PLG: variants seen among roughly 807,000 people sequenced by gnomAD.
PLG encodes the protein plasminogen, also known as plasmin.
PLG carries 41 observed loss-of-function variants against 104.4 expected under a neutral mutation model. That is an observed-to-expected ratio of 0.39 (90% CI 0.31 to 0.51). PLG has a LOEUF of 0.51. Among genes scored for constraint, PLG ranks in the 20% least tolerant of loss-of-function variants. PLG has a pLI of 0.76. For missense variants in PLG, 891 were observed against 1,003.6 expected, an observed-to-expected ratio of 0.89 and a Z score of 1.52; for synonymous variants, 337 against 357.1, an observed-to-expected ratio of 0.94 and a Z score of 0.63.
At chr6:160,711,440 G>C (rs1267942162) in intron 4 of PLG, 4 of 821,812 alleles carry the variant, frequency 4.9e-6, no homozygotes, top group South Asian at 1.8e-5. Context: ...TTGTCATATT[G>C]TTATTTTCTG....
rs1400533679 is a variant in PLG, at chr6:160,735,729, T to C, written c.1682-1158T>C. Among the ~76,000 whole-genome samples the C allele has an allele frequency of 6.6e-6, 1 of 152,152 alleles. No homozygotes were observed. The highest frequency in any genetic ancestry group is 2.4e-5 in the African/African-American group (1 of 41,444). On this transcript the variant is annotated intron_variant, in intron 13 of 18. Coordinates refer to ENST00000308192, the MANE Select transcript of PLG (RefSeq NM_000301.5). The surrounding 1 kb of genome is among the most constrained non-coding windows in gnomAD (Gnocchi z 5.4). ...CAGTACAAATAATAATAAGCAAAAA[T>C]AAATAGAAACATTCAGTTTTGTTTT...
chr6:160,752,838 C>T lies in PLG; in HGVS notation c.2272-62C>T. On this transcript the variant is annotated intron_variant, in intron 18 of 18. Transcript: ENST00000308192. The surrounding 1 kb of genome is among the most constrained non-coding windows in gnomAD (Gnocchi z 4.7). ...GTATATATGGATAGTAGAAGGATGG[C>T]ATCCCATAATAAAAGGCAGGCAGCC... 1.3e-6 allele frequency: 2 copies of T among 1,546,194 alleles called. No homozygotes were observed.
rs376598779 is a variant in PLG at position 160,731,909 on chromosome 6, T to G, written c.1587+16T>G. 11 of 1,613,410 alleles carry G rather than the reference T, an allele frequency of 6.8e-6. No individual in the cohort carries two copies. The highest frequency in any genetic ancestry group is 1.3e-5 in the African/African-American group (1 of 74,898). On this transcript the variant is annotated intron_variant, in intron 12 of 18. Transcript: ENST00000308192. The surrounding 1 kb of genome is among the most constrained non-coding windows in gnomAD (Gnocchi z 5.1). ...GGAAAAAAATGTAAGCCACTTTGATTTGGACTCTTTGGCCTTTTGCTCACC... is the reference window on the plus strand; with the variant it reads ...GGAAAAAAATGTAAGCCACTTTGATGTGGACTCTTTGGCCTTTTGCTCACC...
At chr6:160,717,228 T>A (rs949688245) in intron 7 of PLG, among the ~76,000 whole-genome samples, 5 of 151,498 alleles carry the variant, frequency 3.3e-5, no homozygotes, top group African/African-American at 1.2e-4. Context: ...TGGGGAAGAG[T>A]TCAAGAGGAG....
intron 3 of PLG, among the ~76,000 whole-genome samples, chr6:160,709,984 C>T (rs191360541): frequency 1.9e-4 from 29 of 152,302 alleles, no homozygotes; most frequent in Admixed American, 1.0e-3. Context: ...TTTTCTTCTT[C>T]GAATATGGGG....
chr6:160,745,856 A>G (rs1778268639), intron 17 of PLG, among the ~76,000 whole-genome samples: 1 of 152,226 alleles, frequency 6.6e-6, no homozygotes, highest in African/African-American at 2.4e-5. Context: ...ACATTTGCTT[A>G]GCTGAAAATG....
intron 1 of PLG, among the ~76,000 whole-genome samples, chr6:160,703,122 A>G (rs1226892892): frequency 6.6e-6 from 1 of 152,176 alleles, no homozygotes; most frequent in Non-Finnish European, 1.5e-5. Context: ...TTATTTGCTC[A>G]GTGACCAAAT....
Position 160,736,312 on chromosome 6 carries a change from G to A in PLG, c.1682-575G>A, listed in dbSNP as rs896909643. Among the ~76,000 whole-genome samples, 39 of 152,300 alleles carry A rather than the reference G, an allele frequency of 2.6e-4. No individual in the cohort carries two copies. The highest frequency in any genetic ancestry group is 7.8e-4 in the Admixed American group (12 of 15,306). On this transcript the variant is annotated intron_variant, in intron 13 of 18. Coordinates refer to ENST00000308192, the MANE Select transcript of PLG (RefSeq NM_000301.5). The surrounding 1 kb of genome is among the most constrained non-coding windows in gnomAD (Gnocchi z 5.2). ...GTTAGTCATGGGAGGCTCCCCAGAG[G>A]AGCTGTCCTGAAGCTGGCTGACAGA...
chr6:160,705,467 T>A (rs989588395), intron 1 of PLG: 12 of 152,344 alleles, frequency 7.9e-5, no homozygotes, highest in African/African-American at 2.9e-4. Flanking sequence ...GAAATCCAGA[T>A]ACCTGTCAAC....
In PLG at chr6:160,731,954, G is replaced by T. The variant is rs553640822; in HGVS notation, c.1587+61G>T. 1,099 of 1,549,616 alleles carry T rather than the reference G, an allele frequency of 7.1e-4. 3 individuals carry two copies. The highest frequency in any genetic ancestry group is 9.2e-4 in the Non-Finnish European group (1,037 of 1,122,710). ...CTCACCAATCTTTGCAAACAGAATT[G>T]GTTCTGTGTTACAGAAAATCTGACC... On this transcript the variant is annotated intron_variant, in intron 12 of 18. Coordinates refer to ENST00000308192, the MANE Select transcript of PLG (RefSeq NM_000301.5). This position sits in a 1 kb window ranked among gnomAD's most constrained non-coding sequence, Gnocchi z 5.1.
chr6:160,743,616 T>C (rs1034762658), intron 17 of PLG, among the ~76,000 whole-genome samples: 1 of 152,172 alleles, frequency 6.6e-6, no homozygotes, highest in African/African-American at 2.4e-5. Flanking sequence ...CAGGGATCGT[T>C]TGATTTCCTC....
chr6:160,753,318 T>C lies in PLG; in HGVS notation c.*257T>C. 2.0e-6 allele frequency: 1 copy of C among 506,028 alleles called. No individual in the cohort carries two copies. The allele number at this position is 506,028 out of a possible 1,614,324, so 31.3% of individuals were successfully genotyped here. A position where few individuals can be genotyped will look rare whatever the true frequency, so the allele number is the denominator to read the frequency against. On this transcript the variant is annotated 3_prime_UTR_variant, in exon 19 of 19. Coordinates refer to ENST00000308192, the MANE Select transcript of PLG (RefSeq NM_000301.5). The surrounding 1 kb of genome is among the most constrained non-coding windows in gnomAD (Gnocchi z 5.4). ...TAAATTTTGGTTTTGGTCTTCAACA[T>C]TTTCATGCTCTTTGTTCACCCCACC...
In PLG at chr6:160,732,452, C is replaced by A. The variant is rs1778015797; in HGVS notation, c.1587+559C>A. 6.6e-6 allele frequency among the ~76,000 whole-genome samples: 1 copy of A among 152,098 alleles called. No homozygotes were observed. Among genetic ancestry groups the A allele is most frequent in the African/African-American group, 2.4e-5 (1 of 41,402 alleles). On this transcript the variant is annotated intron_variant, in intron 12 of 18. Transcript: ENST00000308192. The surrounding 1 kb of genome is among the most constrained non-coding windows in gnomAD (Gnocchi z 4.5). ...AGATGTGGGGGGATTTCTCCTCACA[C>A]CCCAAGCGAGTCTCCAGCAGATACC...
Position 160,736,904 on chromosome 6 carries a change from T to G in PLG, c.1699T>G (p.Cys567Gly), listed in dbSNP as rs1582947060. The G allele has an allele frequency of 5.0e-6, 8 of 1,614,018 alleles. No individual in the cohort carries two copies. Among genetic ancestry groups the G allele is most frequent in the Non-Finnish European group, 6.8e-6 (8 of 1,179,926 alleles). Residue 567 changes from cysteine to glycine, a missense_variant, in exon 14 of 19, where the codon TGT (cysteine) becomes GGT (glycine). Cys to Gly is a radical substitution (Grantham distance 159). Around this residue, in one of 2 missense-constraint regions of PLG, gnomAD observed 854 missense variants for 932.1 expected, o/e 0.92. Coordinates refer to ENST00000308192, the MANE Select transcript of PLG (RefSeq NM_000301.5). This position sits in a 1 kb window ranked among gnomAD's most constrained non-coding sequence, Gnocchi z 5.2. The stretch of plus-strand genomic sequence containing the variant: ...TGCCACAGCGGCCCCTTCATTTGAT[T>G]GTGGGAAGCCTCAAGTGGAGCCGAA... ...VPQCAAPSFD[C>G]GKPQVEPKKC... is the part of the protein sequence containing the mutation.
In PLG at chr6:160,702,262, G is replaced by A. The variant is rs1267467289; in HGVS notation, c.-43G>A. Reference sequence around the variant, plus strand: ...CTCTCATGTAAGTCAACAACATCCTGGGATTGGGACCCACTTTCTGGGCAC... The same window carrying A: ...CTCTCATGTAAGTCAACAACATCCTAGGATTGGGACCCACTTTCTGGGCAC... On this transcript the variant is annotated 5_prime_UTR_variant, in exon 1 of 19. Transcript: ENST00000308192. 6.2e-7 allele frequency: 1 copy of A among 1,607,530 alleles called. No homozygotes were observed.
In PLG at chr6:160,737,054, C is replaced by T. The variant is rs367981165; in HGVS notation, c.1802+47C>T. On this transcript the variant is annotated intron_variant, in intron 14 of 18. Transcript: ENST00000308192. This position sits in a 1 kb window ranked among gnomAD's most constrained non-coding sequence, Gnocchi z 4.7. Reference sequence around the variant, plus strand: ...ATTTATACTGTCCCTCCACGTAAGCCCTGCAAAACCCTTCTACATTTACAT... The same window carrying T: ...ATTTATACTGTCCCTCCACGTAAGCTCTGCAAAACCCTTCTACATTTACAT... 3 of 1,608,622 alleles carry T rather than the reference C, an allele frequency of 1.9e-6. No homozygotes were observed. The African/African-American group carries it at 4.0e-5, about 22-fold the overall frequency.
At position 160,736,798 on chromosome 6, in the gene PLG, A is replaced by G. The variant is rs1264935141; in HGVS notation, c.1682-89A>G. On this transcript the variant is annotated intron_variant, in intron 13 of 18. Transcript: ENST00000308192. The surrounding 1 kb of genome is among the most constrained non-coding windows in gnomAD (Gnocchi z 5.2). ...ATTTAGTTCGGCCTTTAAGATGTCA[A>G]AAACTCAGTGCTTGGAATTTGTCTC... 1 of 1,562,604 alleles carries G rather than the reference A, an allele frequency of 6.4e-7. No individual in the cohort carries two copies. The highest frequency in any genetic ancestry group is 1.4e-5 in the African/African-American group (1 of 73,820).
chr6:160,749,539 TCATCACCAC>T (rs1438032175), intron 17 of PLG, among the ~76,000 whole-genome samples: 35 of 144,308 alleles, frequency 2.4e-4, no homozygotes, highest in Non-Finnish European at 1.4e-4. Context: ...ACCATCACCA[TCATCACCAC>T]CATCACCATC....
At chr6:160,748,504 T>A (rs777869756) in intron 17 of PLG, among the ~76,000 whole-genome samples, 4 of 151,648 alleles carry the variant, frequency 2.6e-5, no homozygotes. Flanking sequence ...GAACTCTTGT[T>A]GATTGTTTCC....
Sources: allele counts gnomAD v4.1 joint callset (sites outside exome capture counted in the v4.1 genomes callset), GRCh38; gene constraint gnomAD v4.1.1; regional missense constraint gnomAD v4.1.1; non-coding constraint Gnocchi (gnomAD v3.1); transcripts MANE v1.5; gene names NCBI Gene and HGNC (gene_info 2026-07-23, HGNC 2026-07-21).